CPE: variants seen among roughly 807,000 people sequenced by gnomAD.
The protein encoded by CPE is carboxypeptidase E.
In CPE, 17 loss-of-function variants were observed where a neutral mutation model predicts 53.5. The ratio of observed to expected loss-of-function variants is 0.32; its 90% CI spans 0.22 to 0.48. CPE has a LOEUF of 0.48. CPE is among the 20% of genes least tolerant of loss of function. The probability of loss-of-function intolerance (pLI) is 0.99; values close to 1 mark genes in which losing one functional copy is unlikely to be tolerated. For missense variants in CPE, 524 were observed against 614.7 expected (o/e 0.85, Z 1.56); for synonymous variants, 226 against 228.8 (o/e 0.99, Z 0.11).
At chr4:165,448,243 A>G (rs899288345) in intron 1 of CPE, among the ~76,000 whole-genome samples, 1 of 152,216 alleles carries the variant, frequency 6.6e-6, no homozygotes. Flanking sequence ...TTTGTTTGTC[A>G]CAGGAGAATG....
At chr4:165,466,116 T>C (rs1732095191) in intron 2 of CPE, among the ~76,000 whole-genome samples, 1 of 152,194 alleles carries the variant, frequency 6.6e-6, no homozygotes, top group African/African-American at 2.4e-5. Context: ...GTGAACATTC[T>C]AGAGTGCACC....
chr4:165,424,534 G>T (rs1300540628), intron 1 of CPE, among the ~76,000 whole-genome samples: 1 of 142,240 alleles, frequency 7.0e-6, no homozygotes, highest in Non-Finnish European at 1.6e-5. Context: ...ATTTGTATTT[G>T]TATTTATTTA....
In CPE at chr4:165,498,297, A is replaced by C. The variant is rs1732741658; in HGVS notation, c.*687A>C. On this transcript the variant is annotated 3_prime_UTR_variant, in exon 9 of 9. Coordinates refer to ENST00000402744, the MANE Select transcript of CPE (RefSeq NM_001873.4). ...GTGGCCCAGAATTGCATTCTGAATG[A>C]ATAAAGGTTAAAAAAAAATCCCCAG... is the stretch of plus-strand genomic sequence containing the variant. 6.6e-6 allele frequency: 1 copy of C among 152,116 alleles called. No individual in the cohort carries two copies. Among genetic ancestry groups the C allele is most frequent in the Non-Finnish European group, 1.5e-5 (1 of 68,028 alleles). 9.4% of individuals were successfully genotyped at this position (152,116 alleles called of 1,614,324 possible).
At chr4:165,404,732 C>G (rs1034145503) in intron 1 of CPE, 1 of 814,136 alleles carries the variant, frequency 1.2e-6, no homozygotes, top group East Asian at 2.4e-5. Context: ...GAAGCCAGGT[C>G]CATCCTTAAC....
At chr4:165,471,223 A>G (rs553693021) in intron 3 of CPE, among the ~76,000 whole-genome samples, 5 of 152,308 alleles carry the variant, frequency 3.3e-5, no homozygotes, top group African/African-American at 9.6e-5. Flanking sequence ...TGTTCCCAGA[A>G]TTAGAATATT....
At chr4:165,405,464 G>A (rs1234436670) in intron 1 of CPE, 1 of 853,928 alleles carries the variant, frequency 1.2e-6, no homozygotes, top group African/African-American at 1.7e-5. Flanking sequence ...TTTCAGAGGT[G>A]TGGGATAAAG....
chr4:165,405,722 C>G lies in CPE; in HGVS notation c.307+26194C>G, dbSNP rs1730942751. 16 of 856,740 alleles carry G rather than the reference C, an allele frequency of 1.9e-5. No homozygotes were observed. In the South Asian group the frequency reaches 2.1e-4, roughly 11 times the overall value. 53.1% of individuals were successfully genotyped at this position (856,740 alleles called of 1,614,324 possible). A position where few individuals can be genotyped will look rare whatever the true frequency, so the allele number is the denominator to read the frequency against. On this transcript the variant is annotated intron_variant, in intron 1 of 8. Transcript: ENST00000402744. ...GATTCCACCAATTGGTCAACCAGTCCCATTTTCTTTGCCCTGTCTGCACGG... is the reference window on the plus strand; with the variant it reads ...GATTCCACCAATTGGTCAACCAGTCGCATTTTCTTTGCCCTGTCTGCACGG...
intron 1 of CPE, among the ~76,000 whole-genome samples, chr4:165,419,056 A>G (rs1290649329): frequency 6.6e-6 from 1 of 152,170 alleles, no homozygotes; most frequent in African/African-American, 2.4e-5. Flanking sequence ...GTGGTGTGCA[A>G]CTTGAGGAAT....
chr4:165,493,131 T>A, intron 6 of CPE, 40 bp from the exon 7 acceptor site: 5 of 1,279,660 alleles, frequency 3.9e-6, no homozygotes, highest in Non-Finnish European at 5.7e-6. Flanking sequence ...TATAAATTTA[T>A]AGGTCATATT....
chr4:165,446,444 A>G (rs926598574), intron 1 of CPE, among the ~76,000 whole-genome samples: 1 of 152,258 alleles, frequency 6.6e-6, no homozygotes, highest in African/African-American at 2.4e-5. Context: ...CAATAAATGT[A>G]TGAAAAATGT....
intron 1 of CPE, among the ~76,000 whole-genome samples, chr4:165,463,557 T>A (rs575047608): frequency 8.5e-4 from 130 of 152,216 alleles, no homozygotes; most frequent in African/African-American, 2.8e-3. Flanking sequence ...TCAATCACTA[T>A]GATTTAGGAA....
intron 1 of CPE, chr4:165,404,117 C>G: frequency 2.4e-6 from 2 of 841,070 alleles, no homozygotes; most frequent in South Asian, 2.6e-5. Context: ...TAGCAGCTGG[C>G]TTGGGGTGAA....
intron 1 of CPE, among the ~76,000 whole-genome samples, chr4:165,459,623 G>A (rs28652970): frequency 6.8e-6 from 1 of 147,458 alleles, no homozygotes; most frequent in South Asian, 2.2e-4. Flanking sequence ...GAAAATGAAG[G>A]CCGGGCGTGG....
At chr4:165,399,866 G>C (rs1283518507) in intron 1 of CPE, among the ~76,000 whole-genome samples, 1 of 151,888 alleles carries the variant, frequency 6.6e-6, no homozygotes, top group Non-Finnish European at 1.5e-5. Context: ...GTGTAGAGGA[G>C]AGAAGAGAAT....
rs1352293007 is a variant in CPE at position 165,498,448 on chromosome 4, A to C, written c.*838A>C. ...ACATTTTAAAATTTGTTAAGCAACT[A>C]CTGTGTGCTAAGCACTGCATAGCCT... On this transcript the variant is annotated 3_prime_UTR_variant, in exon 9 of 9. Transcript: ENST00000402744. 6.6e-6 allele frequency: 1 copy of C among 152,176 alleles called. No individual in the cohort carries two copies. Among genetic ancestry groups the C allele is most frequent in the Non-Finnish European group, 1.5e-5 (1 of 68,034 alleles). The allele number at this position is 152,176 out of a possible 1,614,324, so 9.4% of individuals were successfully genotyped here. A position where few individuals can be genotyped will look rare whatever the true frequency, so the allele number is the denominator to read the frequency against.
Position 165,379,588 on chromosome 4 carries a change from G to A in CPE, c.307+60G>A. 7.2e-7 allele frequency: 1 copy of A among 1,380,994 alleles called. No homozygotes were observed. The allele number at this position is 1,380,994 out of a possible 1,614,324, so 85.5% of individuals were successfully genotyped here. A position where few individuals can be genotyped will look rare whatever the true frequency, so the allele number is the denominator to read the frequency against. ...TCCCGGAGGGGGGCGGCAGAGGGTG[G>A]GACTGGTGGCGGTGGGGGAAGGAGG... is the stretch of plus-strand genomic sequence containing the variant. On this transcript the variant is annotated intron_variant, in intron 1 of 8. Coordinates refer to ENST00000402744, the MANE Select transcript of CPE (RefSeq NM_001873.4). The surrounding 1 kb of genome is among the most constrained non-coding windows in gnomAD (Gnocchi z 6.0).
At chr4:165,411,984 T>G (rs971287448) in intron 1 of CPE, among the ~76,000 whole-genome samples, 1 of 152,164 alleles carries the variant, frequency 6.6e-6, no homozygotes, top group African/African-American at 2.4e-5. Context: ...AGAACCATAA[T>G]TTTTCTAATC....
rs948643383 is a variant in CPE at position 165,452,725 on chromosome 4, C to T, written c.308-11665C>T. ...TTCATGGCCCTCAGCTGTTGAAATT[C>T]CCACCAGTCTGCTGGCATCATTGCA... On this transcript the variant is annotated intron_variant, in intron 1 of 8. Transcript: ENST00000402744. Among the ~76,000 whole-genome samples the T allele has an allele frequency of 5.9e-5, 9 of 152,160 alleles. No homozygotes were observed. The East Asian group carries it at 1.7e-3, about 29-fold the overall frequency.
Position 165,495,564 on chromosome 4 carries a change from G to A in CPE, c.1219G>A (p.Asp407Asn). 1 of 1,605,642 alleles carries A rather than the reference G, an allele frequency of 6.2e-7. No individual in the cohort carries two copies. The highest frequency in any genetic ancestry group is 8.5e-7 in the Non-Finnish European group (1 of 1,173,792). Residue 407 changes from aspartate (D) to asparagine (N), a missense_variant, in exon 8 of 9, where the codon GAT becomes AAT. Coordinates refer to ENST00000402744, the MANE Select transcript of CPE (RefSeq NM_001873.4). Reference sequence around the variant, plus strand: ...GATATTCTGCCTTCCTACAGCAAAGGATGGTGATTACTGGAGATTGCTTAT... The same window carrying A: ...GATATTCTGCCTTCCTACAGCAAAGAATGGTGATTACTGGAGATTGCTTAT... ...GIDHDVTSAK[D>N]GDYWRLLIPG...
Sources: allele counts gnomAD v4.1 joint callset (sites outside exome capture counted in the v4.1 genomes callset), GRCh38; gene constraint gnomAD v4.1.1; non-coding constraint Gnocchi (gnomAD v3.1); transcripts MANE v1.5; gene names NCBI Gene and HGNC (gene_info 2026-07-23, HGNC 2026-07-21).